UTS2B: variants seen among roughly 807,000 people sequenced by gnomAD.
UTS2B encodes the protein urotensin 2B.
A neutral mutation model predicts 19.2 loss-of-function variants in UTS2B; 21 were observed. The observed-to-expected ratio is 1.09, with a 90% CI of 0.78 to 1.58. UTS2B has a LOEUF of 1.58. Among genes scored for constraint, UTS2B ranks in the 40% most tolerant of loss-of-function variants. The pLI, the probability that UTS2B is intolerant of heterozygous loss-of-function variation, is 0.00. For missense variants in UTS2B, 138 were observed against 130.3 expected (o/e 1.06, Z -0.29); for synonymous variants, 57 against 50.2 (o/e 1.14, Z -0.58).
Position 191,282,322 on chromosome 3 carries a change from A to C in UTS2B, c.-124-9T>G, listed in dbSNP as rs1446489455. ...CCTCAGTTACGAATGATCTAGATGA[A>C]GGAAAAAGAAAGAAAGAAAATAAAT... On this transcript the variant is annotated splice_polypyrimidine_tract_variant and intron_variant, in intron 4 of 8. Transcript: ENST00000340524. The C allele has an allele frequency of 1.6e-5, 10 of 606,922 alleles. No individual in the cohort carries two copies. The East Asian group carries it at 2.8e-4, about 17-fold the overall frequency. The allele number at this position is 606,922 out of a possible 1,614,324, so 37.6% of individuals were successfully genotyped here.
intron 2 of UTS2B, among the ~76,000 whole-genome samples, chr3:191,316,999 G>A (rs984782938): frequency 1.3e-5 from 2 of 152,254 alleles, no homozygotes; most frequent in Admixed American, 6.5e-5. Flanking sequence ...CGTTAGTCCC[G>A]CACTGCGTGC....
At chr3:191,284,350 C>T (rs1187818383) in intron 4 of UTS2B, among the ~76,000 whole-genome samples, 3 of 151,784 alleles carry the variant, frequency 2.0e-5, no homozygotes, top group Non-Finnish European at 4.4e-5. Flanking sequence ...AAGAAGGAGT[C>T]TCTCTCTGTC....
intron 2 of UTS2B, among the ~76,000 whole-genome samples, chr3:191,321,544 A>C (rs944133404): frequency 2.0e-5 from 3 of 152,204 alleles, no homozygotes; most frequent in African/African-American, 7.2e-5. Flanking sequence ...ATGATTCCCA[A>C]GGCATGATTC....
intron 3 of UTS2B, among the ~76,000 whole-genome samples, chr3:191,315,553 A>G (rs1717425305): frequency 1.3e-5 from 2 of 152,344 alleles, no homozygotes; most frequent in East Asian, 1.9e-4. Flanking sequence ...TGCATGATGT[A>G]TAAAGAAATC....
In UTS2B at chr3:191,278,099, A is replaced by G; in HGVS notation, c.175T>C (p.Phe59Leu). 1 of 1,564,910 alleles carries G rather than the reference A, an allele frequency of 6.4e-7. No homozygotes were observed. The highest frequency in any genetic ancestry group is 8.6e-7 in the Non-Finnish European group (1 of 1,159,898). ...GTGTTGAAAGGTCTTTGGAAATCAA[A>G]ATTTTTATTCAGTAGAGCCAGCAAT... The part of the protein sequence containing the change: ...ELLLALLNKN[F>L]DFQRPFNTDL... The change falls in exon 6 of 9, where the codon TTT becomes CTT. Residue 59 changes from phenylalanine to leucine, a missense_variant. By Grantham distance (22) the Phe-to-Leu change is conservative. Coordinates refer to ENST00000340524, the MANE Select transcript of UTS2B (RefSeq NM_198152.5).
Position 191,328,707 on chromosome 3 carries a change from T to A in UTS2B, c.-662A>T, listed in dbSNP as rs1392928958. On this transcript the variant is annotated splice_region_variant and 5_prime_UTR_variant, in exon 2 of 9. Coordinates refer to ENST00000340524, the MANE Select transcript of UTS2B (RefSeq NM_198152.5). The stretch of plus-strand genomic sequence containing the variant: ...TGCCAGGAGATGAAACAGGAGAGGT[T>A]GTCTATTTTAGAGAGATAGAAATGT... The A allele has an allele frequency of 6.6e-6, 1 of 152,214 alleles. No individual in the cohort carries two copies. The highest frequency in any genetic ancestry group is 1.5e-5 in the Non-Finnish European group (1 of 68,088). 9.4% of individuals were successfully genotyped at this position (152,214 alleles called of 1,614,324 possible).
At chr3:191,279,869 T>C (rs1029223264) in intron 5 of UTS2B, among the ~76,000 whole-genome samples, 3 of 151,568 alleles carry the variant, frequency 2.0e-5, no homozygotes, top group African/African-American at 7.3e-5. Context: ...GAGTCTTTTG[T>C]TTCTTGTTTT....
intron 8 of UTS2B, among the ~76,000 whole-genome samples, chr3:191,272,147 T>C (rs1033030409): frequency 2.0e-5 from 3 of 152,166 alleles, no homozygotes; most frequent in African/African-American, 7.2e-5. Context: ...GTAAACTCGG[T>C]CAAAATTATA....
intron 2 of UTS2B, among the ~76,000 whole-genome samples, chr3:191,317,442 G>T (rs1436769847): frequency 6.7e-6 from 1 of 149,646 alleles, no homozygotes; most frequent in East Asian, 2.0e-4. Flanking sequence ...CCCACAGAGG[G>T]GCTCCCACAG....
chr3:191,273,495 A>C (rs1019360527), intron 8 of UTS2B: 3 of 456,580 alleles, frequency 6.6e-6, no homozygotes, highest in East Asian at 1.4e-4. Flanking sequence ...GCTGGGATGT[A>C]TCCTTTATCC....
At chr3:191,302,020 G>T (rs191353761) in intron 4 of UTS2B, among the ~76,000 whole-genome samples, 3 of 152,126 alleles carry the variant, frequency 2.0e-5, no homozygotes, top group African/African-American at 7.2e-5. Flanking sequence ...AATCCCAGGG[G>T]GTTAGGCATT....
intron 3 of UTS2B, among the ~76,000 whole-genome samples, chr3:191,315,088 T>C (rs1322653027): frequency 1.3e-5 from 2 of 151,906 alleles, no homozygotes; most frequent in Non-Finnish European, 2.9e-5. Flanking sequence ...CTTGGCTCAC[T>C]GCAACCTCTG....
chr3:191,316,698 C>A (rs114966044), intron 2 of UTS2B, among the ~76,000 whole-genome samples: 42,278 of 152,028 alleles, frequency 0.28, 6,061 homozygotes, highest in African/African-American at 0.32. Context: ...CTCTAGCTAG[C>A]CATAAAAGTT....
the UTS2B span, among the ~76,000 whole-genome samples, chr3:191,338,924 C>T: frequency 6.6e-6 from 1 of 152,104 alleles, no homozygotes; most frequent in Non-Finnish European, 1.5e-5. Context: ...CATTTTGTTG[C>T]TGTTACTAGA....
chr3:191,344,725 C>T, the UTS2B span, among the ~76,000 whole-genome samples: 1 of 152,152 alleles, frequency 6.6e-6, no homozygotes, highest in Non-Finnish European at 1.5e-5. Context: ...ACTACAGGCA[C>T]ATACCACCAC....
intron 2 of UTS2B, among the ~76,000 whole-genome samples, chr3:191,323,795 T>G (rs559654086): frequency 6.6e-6 from 1 of 152,198 alleles, no homozygotes; most frequent in African/African-American, 2.4e-5. Context: ...GCAAACAGAT[T>G]ATAGGTTCTT....
upstream of UTS2B, among the ~76,000 whole-genome samples, chr3:191,332,903 G>A (rs74717473): frequency 3.9e-3 from 590 of 152,264 alleles, 25 homozygotes; most frequent in East Asian, 0.072. Context: ...ACATTTTGGC[G>A]TTTCATCAAC....
chr3:191,292,907 G>A (rs1044716729), intron 4 of UTS2B, among the ~76,000 whole-genome samples: 2 of 151,690 alleles, frequency 1.3e-5, no homozygotes, highest in East Asian at 1.9e-4. Flanking sequence ...CTATTGAGAC[G>A]ACTATAGAAT....
Position 191,275,343 on chromosome 3 carries a change from C to T in UTS2B, c.243G>A (p.Leu81=), listed in dbSNP as rs779957950. Residue 81 remains leucine, a splice_region_variant and synonymous_variant, in exon 8 of 9, where the codon CTG becomes CTA. Transcript: ENST00000340524. ...LPNKLEELNQ[L]EKLKEQLVEE... is the part of the protein sequence containing the mutation. ...CCACTAGCTGTTCTTTTAGCTTTTC[C>T]AGCTGATAAAATTGTAAAATGATAA... The T allele has an allele frequency of 3.7e-6, 6 of 1,611,932 alleles. No homozygotes were observed. Among genetic ancestry groups the T allele is most frequent in the Non-Finnish European group, 3.4e-6 (4 of 1,178,358 alleles).
Sources: gnomAD v4.1 joint callset for allele counts (sites outside exome capture counted in the v4.1 genomes callset) on GRCh38, gnomAD v4.1.1 for gene constraint, MANE v1.5 for transcripts, NCBI Gene and HGNC (gene_info 2026-07-23, HGNC 2026-07-21) for gene names.